CTNNA2: variants seen among roughly 807,000 people sequenced by gnomAD.
CTNNA2 encodes catenin alpha 2.
A neutral mutation model predicts 101.0 loss-of-function variants in CTNNA2; 42 were observed. That is an observed-to-expected ratio of 0.42 (90% confidence interval 0.32 to 0.54). The LOEUF (loss-of-function observed/expected upper bound fraction) is 0.54. Among genes scored for constraint, CTNNA2 ranks in the 20% least tolerant of loss-of-function variants. The probability of loss-of-function intolerance (pLI) is 0.14; values close to 1 mark genes in which losing one functional copy is unlikely to be tolerated. For missense variants in CTNNA2, 871 were observed against 1,223.1 expected, an observed-to-expected ratio of 0.71 and a Z score of 4.29; for synonymous variants, 450 against 456.4, an observed-to-expected ratio of 0.99 and a Z score of 0.18.
At chr2:80,435,002 C>T (rs1681906959) in intron 9 of CTNNA2, among the ~76,000 whole-genome samples, 1 of 152,104 alleles carries the variant, frequency 6.6e-6, no homozygotes, top group Admixed American at 6.5e-5. Context: ...TCAACCTCCT[C>T]ACTACTGACA....
chr2:79,673,706 G>T (rs1683000475), intron 2 of CTNNA2, among the ~76,000 whole-genome samples: 1 of 152,156 alleles, frequency 6.6e-6, no homozygotes, highest in African/African-American at 2.4e-5. Context: ...GAGAAAGAGA[G>T]TGTGTGTGTA....
At chr2:80,075,624 ATATT>A (rs1472956332) in intron 7 of CTNNA2, among the ~76,000 whole-genome samples, 2 of 78,164 alleles carry the variant, frequency 2.6e-5, no homozygotes, top group Non-Finnish European at 5.1e-5. Flanking sequence ...ATAAATATAA[ATATT>A]TATACATGTA....
intron 7 of CTNNA2, among the ~76,000 whole-genome samples, chr2:80,105,345 A>G (rs1036343105): frequency 2.6e-5 from 4 of 152,230 alleles, no homozygotes; most frequent in Admixed American, 6.5e-5. Context: ...ACTTATGCCA[A>G]TGTTCTCCTT....
intron 6 of CTNNA2, among the ~76,000 whole-genome samples, chr2:79,877,660 C>A (rs189268261): frequency 6.6e-6 from 1 of 152,256 alleles, no homozygotes; most frequent in East Asian, 1.9e-4. Flanking sequence ...GTGAAAAACT[C>A]ACTCAAACTT....
intron 4 of CTNNA2, among the ~76,000 whole-genome samples, chr2:79,433,624 GAA>G (rs200656588): frequency 0.29 from 27,667 of 94,824 alleles, 3,026 homozygotes; most frequent in African/African-American, 0.42. Context: ...TGCCTTTGAG[GAA>G]AAAAAAAAAA....
intron 4 of CTNNA2, among the ~76,000 whole-genome samples, chr2:79,428,959 G>T (rs1469940235): frequency 1.3e-5 from 2 of 152,096 alleles, no homozygotes; most frequent in African/African-American, 4.8e-5. Flanking sequence ...TCAACCAGCT[G>T]GGAAGGGGCT....
chr2:79,704,415 G>C (rs966130878), intron 2 of CTNNA2, among the ~76,000 whole-genome samples: 5 of 151,588 alleles, frequency 3.3e-5, no homozygotes, highest in African/African-American at 1.2e-4. Context: ...TATTTTCAAC[G>C]TGATCTTTTC....
chr2:79,554,307 C>T (rs1053480096), intron 1 of CTNNA2, among the ~76,000 whole-genome samples: 2 of 151,902 alleles, frequency 1.3e-5, no homozygotes, highest in African/African-American at 4.8e-5. Context: ...TACTTTGCAA[C>T]ATTATTTGAA....
At chr2:79,425,515 G>A (rs1319974656) in intron 4 of CTNNA2, among the ~76,000 whole-genome samples, 1 of 152,152 alleles carries the variant, frequency 6.6e-6, no homozygotes, top group South Asian at 2.1e-4. Flanking sequence ...GGGTGGAAAT[G>A]CTATGTCCTC....
intron 4 of CTNNA2, among the ~76,000 whole-genome samples, chr2:79,464,841 T>C (rs1260101428): frequency 6.6e-6 from 1 of 152,196 alleles, no homozygotes; most frequent in Non-Finnish European, 1.5e-5. Flanking sequence ...GTTTTTTTTT[T>C]CTTGCAAGTT....
At chr2:79,389,821 A>G (rs1403363394) in intron 4 of CTNNA2, among the ~76,000 whole-genome samples, 3 of 152,116 alleles carry the variant, frequency 2.0e-5, no homozygotes, top group Non-Finnish European at 4.4e-5. Flanking sequence ...TTAGAGTAAA[A>G]TGTGTTTTTT....
intron 2 of CTNNA2, among the ~76,000 whole-genome samples, chr2:79,682,472 T>A (rs896691393): frequency 6.8e-6 from 1 of 147,888 alleles, no homozygotes; most frequent in African/African-American, 2.5e-5. Context: ...TTTGAAGTAA[T>A]GTGGTTCCAT....
intron 15 of CTNNA2, among the ~76,000 whole-genome samples, chr2:80,595,692 C>G (rs1696889630): frequency 1.3e-5 from 2 of 152,052 alleles, no homozygotes; most frequent in Non-Finnish European, 2.9e-5. Context: ...GGTGGTATTT[C>G]TGAGGTCTCT....
chr2:79,639,962 GAA>G (rs979438684), intron 1 of CTNNA2, among the ~76,000 whole-genome samples: 7 of 149,218 alleles, frequency 4.7e-5, no homozygotes, highest in South Asian at 2.2e-4. Flanking sequence ...GTGTGTGTGT[GAA>G]GAGAGAGAGA....
chr2:80,377,326 A>G (rs1054753548), intron 7 of CTNNA2, among the ~76,000 whole-genome samples: 1 of 152,228 alleles, frequency 6.6e-6, no homozygotes, highest in Admixed American at 6.5e-5. Context: ...CACAAGAGGA[A>G]AAGATCAGGG....
intron 9 of CTNNA2, among the ~76,000 whole-genome samples, chr2:80,530,119 A>T (rs567654556): frequency 5.9e-5 from 9 of 152,192 alleles, no homozygotes; most frequent in African/African-American, 2.2e-4. Context: ...TCTGCTGCCC[A>T]ACAAGGCAGC....
intron 7 of CTNNA2, among the ~76,000 whole-genome samples, chr2:80,138,308 A>G (rs960277114): frequency 2.0e-5 from 3 of 152,142 alleles, no homozygotes; most frequent in African/African-American, 7.2e-5. Context: ...GATTGACAGC[A>G]TCAACTTTAC....
intron 3 of CTNNA2, among the ~76,000 whole-genome samples, chr2:79,802,434 T>C (rs1011157173): frequency 3.3e-5 from 5 of 152,208 alleles, no homozygotes; most frequent in African/African-American, 9.6e-5. Flanking sequence ...GAGGACATCA[T>C]GCCAAGTTTC....
At chr2:80,260,609 A>G (rs1179687446) in intron 7 of CTNNA2, among the ~76,000 whole-genome samples, 1 of 152,192 alleles carries the variant, frequency 6.6e-6, no homozygotes, top group Non-Finnish European at 1.5e-5. Flanking sequence ...CTATGACCTC[A>G]CTCACATAAA....
Sources: gnomAD v4.1 joint callset for allele counts (sites outside exome capture counted in the v4.1 genomes callset) on GRCh38, gnomAD v4.1.1 for gene constraint, MANE v1.5 for transcripts, NCBI Gene and HGNC (gene_info 2026-07-23, HGNC 2026-07-21) for gene names.